The following ZNF420 variants were observed in gnomAD, a reference collection of about 807,000 sequenced individuals.
ZNF420 encodes the protein ATM and p53-associated KZNF protein.
Under a neutral mutation model 44.7 loss-of-function variants are expected in ZNF420, and 31 were observed. The observed-to-expected ratio is 0.69, with a 90% confidence interval of 0.52 to 0.94. The LOEUF (loss-of-function observed/expected upper bound fraction) is 0.94, where lower values mean the gene tolerates loss of function less well. ZNF420 is among the 40% of genes least tolerant of loss of function. ZNF420 has a pLI of 0.00. For missense variants in ZNF420, 681 were observed against 827.9 expected (o/e 0.82, Z 2.18); for synonymous variants, 245 against 267.4 (o/e 0.92, Z 0.82).
At chr19:37,090,148 G>A (rs1041600840) in intron 3 of ZNF420, among the ~76,000 whole-genome samples, 1 of 152,016 alleles carries the variant, frequency 6.6e-6, no homozygotes, top group Non-Finnish European at 1.5e-5. Context: ...TCTTTTAATT[G>A]GGACATTGCA....
chr19:37,098,708 C>T (rs1969596332), intron 4 of ZNF420, among the ~76,000 whole-genome samples: 1 of 152,154 alleles, frequency 6.6e-6, no homozygotes, highest in Admixed American at 6.5e-5. Flanking sequence ...ATTCAAGATG[C>T]TCTCTTCTAG....
At chr19:37,075,384 C>T (rs1391496402), upstream of ZNF420, among the ~76,000 whole-genome samples, 2 of 152,098 alleles carry the variant, frequency 1.3e-5, no homozygotes, top group South Asian at 2.1e-4. Flanking sequence ...CCAAAACCAA[C>T]GTCTCTATTG....
Position 37,021,555 on chromosome 19 carries a change from C to T in ZNF420, c.-125+13473C>T, listed in dbSNP as rs116285076. ...GTGCTTTGATTATAGGCATGAACCACCACACTGGGCCGAAATATTTAAAAA... is the reference window on the plus strand; with the variant it reads ...GTGCTTTGATTATAGGCATGAACCATCACACTGGGCCGAAATATTTAAAAA... On this transcript the variant is annotated intron_variant, in intron 1 of 4. Coordinates refer to the ZNF420 transcript ENST00000587029. Among the ~76,000 whole-genome samples, 1,217 of 152,258 alleles carry T rather than the reference C, an allele frequency of 8.0e-3. 17 individuals are homozygous for T. The highest frequency in any genetic ancestry group is 0.028 in the African/African-American group (1,174 of 41,560).
chr19:37,089,246 A>T, intron 3 of ZNF420, 119 bp downstream of exon 3: 1 of 867,808 alleles, frequency 1.2e-6, no homozygotes, highest in Non-Finnish European at 2.0e-6. Flanking sequence ...TGTGCTCCTC[A>T]GTTTGTCCCA....
At chr19:37,054,239 T>C (rs1448747315) in intron 1 of ZNF420, among the ~76,000 whole-genome samples, 1 of 152,194 alleles carries the variant, frequency 6.6e-6, no homozygotes, top group Non-Finnish European at 1.5e-5. Context: ...TGATCTGATT[T>C]TCCAGGTGCC....
At chr19:37,053,232 T>G (rs1195386159) in intron 1 of ZNF420, among the ~76,000 whole-genome samples, 1 of 152,252 alleles carries the variant, frequency 6.6e-6, no homozygotes, top group Non-Finnish European at 1.5e-5. Context: ...TAAGGACTTC[T>G]CTGCATTGGT....
At chr19:37,051,656 T>C (rs1297163588) in intron 1 of ZNF420, among the ~76,000 whole-genome samples, 1 of 152,146 alleles carries the variant, frequency 6.6e-6, no homozygotes, top group African/African-American at 2.4e-5. Context: ...TTTGTTGATC[T>C]TTTCAAAAAA....
chr19:37,105,785 G>C (rs1035653491), intron 4 of ZNF420, among the ~76,000 whole-genome samples: 3 of 152,102 alleles, frequency 2.0e-5, no homozygotes, highest in East Asian at 1.9e-4. Flanking sequence ...GTATTTTATT[G>C]TCTTTGAAGT....
At position 37,091,070 on chromosome 19, in the gene ZNF420, G is replaced by T. The variant is rs768660939; in HGVS notation, c.85G>T (p.Asp29Tyr). The T allele has an allele frequency of 6.2e-6, 10 of 1,612,142 alleles. No individual in the cohort carries two copies. The East Asian group carries it at 2.2e-4, about 36-fold the overall frequency. ...GGAATGCCTGGACTCTGCTCAGAGAGATTTGTATAGAGATGTGATGTTGGA... is the reference window on the plus strand; with the variant it reads ...GGAATGCCTGGACTCTGCTCAGAGATATTTGTATAGAGATGTGATGTTGGA... ...EWECLDSAQR[D>Y]LYRDVMLENY... The change falls in exon 4 of 5, where the codon GAT (aspartate) becomes TAT (tyrosine). Residue 29 changes from aspartate (D) to tyrosine (Y), a missense_variant. Around this residue, in one of 3 missense-constraint regions of ZNF420, gnomAD observed 350 missense variants for 382.5 expected, o/e 0.92. Coordinates refer to ENST00000337995, the MANE Select transcript of ZNF420 (RefSeq NM_144689.5).
At chr19:37,059,359 C>T (rs962905840) in intron 1 of ZNF420, among the ~76,000 whole-genome samples, 1 of 152,230 alleles carries the variant, frequency 6.6e-6, no homozygotes, top group Non-Finnish European at 1.5e-5. Context: ...CGCGAGTCAA[C>T]CCCGCCAATG....
chr19:37,082,354 G>A (rs570550691), intron 2 of ZNF420, among the ~76,000 whole-genome samples: 13 of 152,156 alleles, frequency 8.5e-5, no homozygotes, highest in Non-Finnish European at 1.3e-4. Flanking sequence ...TAGTAGAGAC[G>A]GGGTTTTGCC....
intron 1 of ZNF420, among the ~76,000 whole-genome samples, chr19:37,054,430 C>T (rs1371481063): frequency 6.6e-6 from 1 of 152,210 alleles, no homozygotes; most frequent in African/African-American, 2.4e-5. Context: ...ATGCAGAAAT[C>T]ACCCGTCTTC....
intron 4 of ZNF420, among the ~76,000 whole-genome samples, chr19:37,124,653 T>C (rs987974426): frequency 1.7e-5 from 2 of 118,304 alleles, no homozygotes; most frequent in Non-Finnish European, 3.7e-5. Context: ...TTATATTGGA[T>C]AATTGTTTTT....
intron 1 of ZNF420, among the ~76,000 whole-genome samples, chr19:37,020,686 A>T (rs984200303): frequency 1.3e-5 from 2 of 152,366 alleles, no homozygotes; most frequent in Non-Finnish European, 2.9e-5. Flanking sequence ...AAATGCAGTA[A>T]ATACACACAG....
intron 4 of ZNF420, among the ~76,000 whole-genome samples, chr19:37,123,322 G>A (rs1381799183): frequency 6.6e-6 from 1 of 152,158 alleles, no homozygotes; most frequent in Admixed American, 6.5e-5. Flanking sequence ...TTTAAAGATG[G>A]CTGAGACTGA....
intron 1 of ZNF420, among the ~76,000 whole-genome samples, chr19:37,013,693 G>T (rs1370431617): frequency 6.6e-6 from 1 of 152,244 alleles, no homozygotes. Context: ...CGGTCCCACG[G>T]ACCTCAAGCC....
chr19:37,101,979 G>A (rs538290309), intron 4 of ZNF420, among the ~76,000 whole-genome samples: 3 of 152,328 alleles, frequency 2.0e-5, no homozygotes, highest in South Asian at 2.1e-4. Flanking sequence ...CACAGATGGG[G>A]TAGTTCTATG....
At chr19:37,038,580 A>G (rs566719909) in intron 1 of ZNF420, among the ~76,000 whole-genome samples, 7 of 152,216 alleles carry the variant, frequency 4.6e-5, no homozygotes, top group Non-Finnish European at 8.8e-5. Flanking sequence ...TGTTGACAGC[A>G]TCTTCACCAG....
At position 37,128,209 on chromosome 19, in the gene ZNF420, TACTC is replaced by T. The variant is rs1461969744; in HGVS notation, c.1220_1223del (p.Thr407AsnfsTer167). ...AGATGTTTAGTCATGGCTCACAACT[TACTC>T]AACATCAGAGAATACACACTGGTGA... On this transcript the variant is annotated frameshift_variant, in exon 5 of 5. Transcript: ENST00000337995. LOFTEE classifies it high-confidence loss of function. 6.2e-7 allele frequency: 1 copy of T among 1,614,044 alleles called. No homozygotes were observed. Among genetic ancestry groups the T allele is most frequent in the Non-Finnish European group, 8.5e-7 (1 of 1,179,970 alleles).
Sources: allele counts gnomAD v4.1 joint callset (sites outside exome capture counted in the v4.1 genomes callset), GRCh38; gene constraint gnomAD v4.1.1; regional missense constraint gnomAD v4.1.1; transcripts MANE v1.5; gene names NCBI Gene and HGNC (gene_info 2026-07-23, HGNC 2026-07-21).